TWIST2: variants seen among roughly 807,000 people sequenced by gnomAD.
TWIST2 encodes twist-related protein 2.
TWIST2 carries 1 observed loss-of-function variant against 11.6 expected under a neutral mutation model. The ratio of observed to expected loss-of-function variants is 0.09; its 90% CI spans 0.03 to 0.41. The LOEUF is 0.41. TWIST2 is among the 10% of genes least tolerant of loss of function. The pLI, the probability that TWIST2 is intolerant of heterozygous loss-of-function variation, is 0.98. For synonymous variants in TWIST2, 87 were observed against 96.6 expected (o/e 0.90, Z 0.58); for missense variants, 168 against 226.4 (o/e 0.74, Z 1.66).
chr2:238,850,220 C>T (rs1692220544), intron 1 of TWIST2, among the ~76,000 whole-genome samples: 1 of 152,118 alleles, frequency 6.6e-6, no homozygotes, highest in African/African-American at 2.4e-5. Context: ...CAGAAAATAA[C>T]TTGTGGGAAT....
chr2:238,904,587 T>C (rs1693319585), intron 1 of TWIST2, among the ~76,000 whole-genome samples: 2 of 152,042 alleles, frequency 1.3e-5, no homozygotes, highest in African/African-American at 4.8e-5. Context: ...CATGGTACTT[T>C]GCCCTTCCCT....
chr2:238,848,827 G>A (rs1692183847), intron 1 of TWIST2, 94 bp downstream of exon 1: 4 of 1,032,880 alleles, frequency 3.9e-6, no homozygotes, highest in Non-Finnish European at 2.5e-6. Flanking sequence ...TCCTCGGCGA[G>A]GCCCCGCGGG....
chr2:238,906,815 C>T (rs1267512951), intron 1 of TWIST2, among the ~76,000 whole-genome samples: 1 of 152,232 alleles, frequency 6.6e-6, no homozygotes, highest in African/African-American at 2.4e-5. Context: ...CCATGCCTGC[C>T]TCTGGGCTGA....
chr2:238,902,074 G>A (rs1369607789), intron 1 of TWIST2, among the ~76,000 whole-genome samples: 1 of 152,176 alleles, frequency 6.6e-6, no homozygotes, highest in South Asian at 2.1e-4. Context: ...TGCTGTGGAT[G>A]ATGGTCACAG....
At position 238,863,039 on chromosome 2, in the gene TWIST2, GTT is replaced by G. The variant is rs372449837; in HGVS notation, c.*35+14318_*35+14319del. 2.1e-3 allele frequency among the ~76,000 whole-genome samples: 308 copies of G among 146,498 alleles called. 1 individual carries two copies. The highest frequency in any genetic ancestry group is 4.6e-3 in the African/African-American group (181 of 38,940). On this transcript the variant is annotated intron_variant, in intron 1 of 1. Transcript: ENST00000612363. The surrounding 1 kb of genome is among the most constrained non-coding windows in gnomAD (Gnocchi z 4.7). ...TGAAAGAGCTTCCTTTCCTTCTTAT[GTT>G]TTTTTTTTTTTAATTTCTAGATTTT...
intron 1 of TWIST2, among the ~76,000 whole-genome samples, chr2:238,877,946 G>C (rs1188823853): frequency 1.3e-5 from 2 of 152,140 alleles, no homozygotes; most frequent in East Asian, 3.9e-4. Flanking sequence ...CTGGGGGCCA[G>C]GCAGAAAACG....
At chr2:238,868,230 C>A (rs1343558366) in intron 1 of TWIST2, among the ~76,000 whole-genome samples, 2 of 152,178 alleles carry the variant, frequency 1.3e-5, no homozygotes, top group Non-Finnish European at 2.9e-5. Flanking sequence ...AGCCCTTAGA[C>A]ATCGTCTAGT....
intron 1 of TWIST2, among the ~76,000 whole-genome samples, chr2:238,861,598 C>T (rs1692437584): frequency 6.6e-6 from 1 of 152,150 alleles, no homozygotes; most frequent in East Asian, 1.9e-4. Flanking sequence ...TCTCACTATC[C>T]CTGAAGGTGA....
At position 238,866,960 on chromosome 2, in the gene TWIST2, C is replaced by G. The variant is rs1559271680; in HGVS notation, c.*35+18227C>G. 1.3e-5 allele frequency among the ~76,000 whole-genome samples: 2 copies of G among 152,138 alleles called. No homozygotes were observed. The highest frequency in any genetic ancestry group is 2.9e-5 in the Non-Finnish European group (2 of 68,026). On this transcript the variant is annotated intron_variant, in intron 1 of 1. Coordinates refer to ENST00000612363, the MANE Select transcript of TWIST2 (RefSeq NM_001271893.4). The surrounding 1 kb of genome is among the most constrained non-coding windows in gnomAD (Gnocchi z 4.9). ...CAAGTGGGGGTCATGGAGGGAGCCTCTGTTTCCCCACCAAGTACACCAAGA... is the reference window on the plus strand; with the variant it reads ...CAAGTGGGGGTCATGGAGGGAGCCTGTGTTTCCCCACCAAGTACACCAAGA...
intron 1 of TWIST2, among the ~76,000 whole-genome samples, chr2:238,849,590 G>A (rs1368066873): frequency 6.6e-6 from 1 of 152,186 alleles, no homozygotes; most frequent in Admixed American, 6.5e-5. Flanking sequence ...CGCAGGGATG[G>A]GCGAGGGGTC....
At chr2:238,892,686 A>G (rs62191090) in intron 1 of TWIST2, among the ~76,000 whole-genome samples, 114,461 of 151,582 alleles carry the variant, frequency 0.76, 43,651 homozygotes, top group Non-Finnish European at 0.8. Context: ...TCACCATGTT[A>G]CCCAGGCTGG....
At chr2:238,870,543 C>T (rs1460677349) in intron 1 of TWIST2, among the ~76,000 whole-genome samples, 1 of 118,802 alleles carries the variant, frequency 8.4e-6, no homozygotes, top group Non-Finnish European at 1.7e-5. Flanking sequence ...CCTACATACC[C>T]CACACACCCC....
At chr2:238,875,966 G>A (rs1281122692) in intron 1 of TWIST2, among the ~76,000 whole-genome samples, 2 of 152,246 alleles carry the variant, frequency 1.3e-5, no homozygotes, top group Non-Finnish European at 2.9e-5. Flanking sequence ...GCTGGAGCAG[G>A]TGCCAGGGTG....
intron 1 of TWIST2, among the ~76,000 whole-genome samples, chr2:238,855,910 C>T (rs971339260): frequency 3.9e-5 from 6 of 152,146 alleles, no homozygotes; most frequent in Admixed American, 2.6e-4. Flanking sequence ...TTCGTGGGCT[C>T]ATGTTACTAT....
At chr2:238,907,643 A>G (rs1693375034) in intron 1 of TWIST2, among the ~76,000 whole-genome samples, 1 of 151,970 alleles carries the variant, frequency 6.6e-6, no homozygotes, top group Non-Finnish European at 1.5e-5. Flanking sequence ...GGGGGGTGCA[A>G]GAAACAACAC....
chr2:238,870,260 AAG>A (rs763809543), intron 1 of TWIST2, among the ~76,000 whole-genome samples: 88 of 182 alleles, frequency 0.48, 25 homozygotes, highest in African/African-American at 0.55. Context: ...CCCCACACAC[AAG>A]CCACACACCC....
intron 1 of TWIST2, among the ~76,000 whole-genome samples, chr2:238,861,533 C>G (rs1359865189): frequency 1.3e-5 from 2 of 152,110 alleles, no homozygotes; most frequent in Non-Finnish European, 1.5e-5. Flanking sequence ...CCCTTAGGCG[C>G]CCGGTGGGGG....
intron 1 of TWIST2, among the ~76,000 whole-genome samples, chr2:238,885,809 C>T (rs1317757824): frequency 1.3e-5 from 2 of 152,138 alleles, no homozygotes; most frequent in Admixed American, 6.5e-5. Context: ...TGGTGGCTCA[C>T]ACCTGTAATC....
intron 1 of TWIST2, among the ~76,000 whole-genome samples, chr2:238,873,565 G>C (rs942289438): frequency 2.0e-5 from 3 of 152,170 alleles, no homozygotes; most frequent in African/African-American, 4.8e-5. Flanking sequence ...GCACACAAGA[G>C]CTACGGGGTC....
Sources: gnomAD v4.1 joint callset for allele counts (sites outside exome capture counted in the v4.1 genomes callset) on GRCh38, gnomAD v4.1.1 for gene constraint, Gnocchi (gnomAD v3.1) non-coding constraint, MANE v1.5 for transcripts, NCBI Gene and HGNC (gene_info 2026-07-23, HGNC 2026-07-21) for gene names.